CSMD3: variants seen among roughly 807,000 people sequenced by gnomAD.
CSMD3 encodes the protein CUB and Sushi multiple domains 3.
A neutral mutation model predicts 435.2 loss-of-function variants in CSMD3; 177 were observed. That is an observed-to-expected ratio of 0.41 (90% CI 0.36 to 0.46). The LOEUF is 0.46. CSMD3 is among the 20% of genes least tolerant of loss of function. The pLI is 0.34. For synonymous variants in CSMD3, 1,656 were observed against 1,520.5 expected, an observed-to-expected ratio of 1.09 and a Z score of -2.07; for missense variants, 4,265 against 4,504.6, an observed-to-expected ratio of 0.95 and a Z score of 1.52.
At position 112,650,288 on chromosome 8, in the gene CSMD3, A is replaced by T. The variant is rs2131632932; in HGVS notation, c.3066T>A (p.Tyr1022Ter). Reference protein sequence around the residue: ...DPGIPVHGRRYGHDFSIGSTV... With the variant: ...DPGIPVHGRR The stretch of plus-strand genomic sequence containing the variant: ...TAGAGCCAATGGAGAAATCATGACC[A>T]TAGCGACGGCCATGTACAGGTATGC... Residue 1022 changes from tyrosine (Y) to a stop codon, truncating the protein, a stop_gained, in exon 19 of 71, where the codon TAT (tyrosine) becomes TAA (stop). Coordinates refer to ENST00000297405, the MANE Select transcript of CSMD3 (RefSeq NM_198123.2). LOFTEE classifies it high-confidence loss of function. 1 of 1,613,864 alleles carries T rather than the reference A, an allele frequency of 6.2e-7. No individual in the cohort carries two copies. The highest frequency in any genetic ancestry group is 8.5e-7 in the Non-Finnish European group (1 of 1,179,798).
At chr8:112,861,187 A>G (rs971673708) in intron 10 of CSMD3, among the ~76,000 whole-genome samples, 7 of 151,678 alleles carry the variant, frequency 4.6e-5, no homozygotes, top group Non-Finnish European at 1.0e-4. Flanking sequence ...TTTTTCTTGT[A>G]CTGATAATAG....
intron 59 of CSMD3, among the ~76,000 whole-genome samples, chr8:112,272,738 G>GA (rs1255719863): frequency 1.3e-5 from 2 of 152,094 alleles, no homozygotes; most frequent in Non-Finnish European, 2.9e-5. Flanking sequence ...GAATGAGAAG[G>GA]AATCTGAAGC....
intron 12 of CSMD3, among the ~76,000 whole-genome samples, chr8:112,816,446 C>T (rs1193208538): frequency 6.6e-6 from 1 of 152,066 alleles, no homozygotes; most frequent in Non-Finnish European, 1.5e-5. Flanking sequence ...CCTTTTCATA[C>T]CGTGGCAATT....
intron 4 of CSMD3, among the ~76,000 whole-genome samples, chr8:113,140,252 G>A (rs1417720169): frequency 6.6e-6 from 1 of 150,586 alleles, no homozygotes; most frequent in Non-Finnish European, 1.5e-5. Flanking sequence ...ATTTTTTTGT[G>A]TGTAAAGCAA....
At chr8:112,892,255 A>G (rs1188716953) in intron 10 of CSMD3, among the ~76,000 whole-genome samples, 1 of 151,584 alleles carries the variant, frequency 6.6e-6, no homozygotes, top group African/African-American at 2.4e-5. Flanking sequence ...AATTATCACA[A>G]TTAACACATA....
chr8:112,905,800 C>T (rs1051622973), intron 10 of CSMD3, among the ~76,000 whole-genome samples: 7 of 151,376 alleles, frequency 4.6e-5, no homozygotes, highest in South Asian at 4.1e-4. Context: ...CTCTGACCTA[C>T]GAGTCTTTGG....
intron 4 of CSMD3, among the ~76,000 whole-genome samples, chr8:113,109,477 T>C (rs999136904): frequency 1.2e-4 from 18 of 152,178 alleles, no homozygotes; most frequent in Admixed American, 3.3e-4. Flanking sequence ...GACATTCCCA[T>C]TCCAATAGGG....
At chr8:112,511,682 G>C (rs573948009) in intron 28 of CSMD3, among the ~76,000 whole-genome samples, 4 of 151,990 alleles carry the variant, frequency 2.6e-5, no homozygotes, top group Admixed American at 6.6e-5. Context: ...GAGCCACCAC[G>C]CCCGGGGTGG....
chr8:112,396,723 A>G (rs2129842183), intron 35 of CSMD3, among the ~76,000 whole-genome samples: 1 of 152,286 alleles, frequency 6.6e-6, no homozygotes, highest in African/African-American at 2.4e-5. Flanking sequence ...CCCAAAACCA[A>G]TATAGTGACA....
At chr8:112,730,876 G>A (rs969025079) in intron 13 of CSMD3, among the ~76,000 whole-genome samples, 3 of 152,116 alleles carry the variant, frequency 2.0e-5, no homozygotes, top group African/African-American at 7.2e-5. Context: ...CCAGACAACT[G>A]TATCCCAGGA....
intron 1 of CSMD3, among the ~76,000 whole-genome samples, chr8:113,322,447 G>C (rs1291022741): frequency 6.6e-6 from 1 of 152,118 alleles, no homozygotes; most frequent in Non-Finnish European, 1.5e-5. Context: ...ACTTCAGTTT[G>C]TCATAAATTA....
intron 38 of CSMD3, among the ~76,000 whole-genome samples, chr8:112,369,188 AAT>A (rs1828078716): frequency 1.3e-5 from 2 of 152,252 alleles, no homozygotes; most frequent in African/African-American, 4.8e-5. Flanking sequence ...CATATTATTA[AAT>A]AGTTTTCTTT....
chr8:112,656,392 T>C, intron 17 of CSMD3, 51 bp from the exon 18 acceptor site: 2 of 1,387,986 alleles, frequency 1.4e-6, no homozygotes, highest in Non-Finnish European at 2.0e-6. Context: ...ACACTATATA[T>C]GGAAATAATG....
intron 13 of CSMD3, among the ~76,000 whole-genome samples, chr8:112,773,815 G>A (rs779650661): frequency 5.9e-5 from 9 of 151,844 alleles, no homozygotes; most frequent in Non-Finnish European, 8.8e-5. Context: ...ATAAATAGAC[G>A]AAAAGTATAT....
chr8:112,388,436 G>C (rs1039857420), intron 36 of CSMD3, among the ~76,000 whole-genome samples: 1 of 152,136 alleles, frequency 6.6e-6, no homozygotes, highest in Non-Finnish European at 1.5e-5. Flanking sequence ...ATATAGATTT[G>C]TTTAAGAGAT....
At chr8:112,231,263 T>C (rs1163550518) in intron 69 of CSMD3, among the ~76,000 whole-genome samples, 1 of 152,262 alleles carries the variant, frequency 6.6e-6, no homozygotes, top group Non-Finnish European at 1.5e-5. Flanking sequence ...TTTTTATCTA[T>C]ATCACTTTTT....
chr8:113,434,800 A>C (rs1330620008), intron 1 of CSMD3, among the ~76,000 whole-genome samples: 1 of 152,214 alleles, frequency 6.6e-6, no homozygotes, highest in East Asian at 1.9e-4. Flanking sequence ...AGGTGCGGGC[A>C]GCCGGGGCTC....
At chr8:112,785,511 CT>C (rs944904541) in intron 13 of CSMD3, among the ~76,000 whole-genome samples, 1 of 151,950 alleles carries the variant, frequency 6.6e-6, no homozygotes, top group Non-Finnish European at 1.5e-5. Context: ...TTGGAAAAAT[CT>C]AAAGAGTCTA....
In CSMD3 at chr8:113,415,392, G is replaced by T. The variant is rs192833562; in HGVS notation, c.178+21285C>A. 2.9e-3 allele frequency among the ~76,000 whole-genome samples: 449 copies of T among 152,204 alleles called. 6 individuals carry two copies. Among genetic ancestry groups the T allele is most frequent in the African/African-American group, 0.01 (432 of 41,510 alleles). Reference sequence around the variant, plus strand: ...ATAATCTACAAAAGTTAAAGACCAGGCCTGTACAAAGAAGGCTATGATGAA... The same window carrying T: ...ATAATCTACAAAAGTTAAAGACCAGTCCTGTACAAAGAAGGCTATGATGAA... On this transcript the variant is annotated intron_variant, in intron 1 of 70. Coordinates refer to ENST00000297405, the MANE Select transcript of CSMD3 (RefSeq NM_198123.2).
Sources: gnomAD v4.1 joint callset for allele counts (sites outside exome capture counted in the v4.1 genomes callset) on GRCh38, gnomAD v4.1.1 for gene constraint, MANE v1.5 for transcripts, NCBI Gene and HGNC (gene_info 2026-07-23, HGNC 2026-07-21) for gene names.